LHFPL3: variants seen among roughly 807,000 people sequenced by gnomAD.
LHFPL3 encodes the protein LHFPL tetraspan subfamily member 3 protein.
Under a neutral mutation model 19.3 loss-of-function variants are expected in LHFPL3, and 5 were observed. That is an observed-to-expected ratio of 0.26 (90% CI 0.14 to 0.54). The LOEUF (loss-of-function observed/expected upper bound fraction) is 0.54. Ranked by LOEUF, LHFPL3 falls within the 20% of genes least tolerant of loss-of-function variation. The pLI is 0.94. For synonymous variants in LHFPL3, 133 were observed against 126.2 expected, an observed-to-expected ratio of 1.05 and a Z score of -0.36; for missense variants, 249 against 307.4, an observed-to-expected ratio of 0.81 and a Z score of 1.42.
intron 1 of LHFPL3, among the ~76,000 whole-genome samples, chr7:104,490,366 A>G (rs1295253242): frequency 1.3e-5 from 2 of 152,152 alleles, no homozygotes; most frequent in Non-Finnish European, 2.9e-5. Context: ...GTAAAGTACT[A>G]TCTCTTCCTA....
chr7:104,878,214 C>G (rs912988456), intron 2 of LHFPL3, among the ~76,000 whole-genome samples: 9 of 152,010 alleles, frequency 5.9e-5, no homozygotes, highest in Non-Finnish European at 1.3e-4. Context: ...AAATGTGGTA[C>G]AGGCACACCT....
intron 1 of LHFPL3, among the ~76,000 whole-genome samples, chr7:104,583,145 G>C (rs1377335765): frequency 1.3e-5 from 2 of 152,056 alleles, no homozygotes; most frequent in East Asian, 3.8e-4. Context: ...AGAGCCCTCA[G>C]AAATGATGTC....
intron 1 of LHFPL3, among the ~76,000 whole-genome samples, chr7:104,693,743 C>T (rs1482705767): frequency 6.6e-6 from 1 of 150,944 alleles, no homozygotes; most frequent in Non-Finnish European, 1.5e-5. Flanking sequence ...CACCCTCCTC[C>T]CAAGTAGCTG....
At chr7:104,710,918 A>G (rs1793289483) in intron 1 of LHFPL3, among the ~76,000 whole-genome samples, 1 of 152,180 alleles carries the variant, frequency 6.6e-6, no homozygotes, top group Non-Finnish European at 1.5e-5. Flanking sequence ...ACTCTCCAAT[A>G]CCTAAATGAT....
At chr7:104,435,654 A>G (rs1488139123) in intron 1 of LHFPL3, among the ~76,000 whole-genome samples, 4 of 151,880 alleles carry the variant, frequency 2.6e-5, no homozygotes, top group Admixed American at 2.0e-4. Flanking sequence ...TTAAAGCATA[A>G]AAGTGTCTTC....
At chr7:104,822,401 G>C (rs950065013) in intron 2 of LHFPL3, among the ~76,000 whole-genome samples, 5 of 152,160 alleles carry the variant, frequency 3.3e-5, no homozygotes, top group Admixed American at 6.5e-5. Flanking sequence ...AAATCTGATA[G>C]TTTTCCTTCT....
At chr7:104,389,224 C>G (rs1258094037) in intron 1 of LHFPL3, among the ~76,000 whole-genome samples, 1 of 152,090 alleles carries the variant, frequency 6.6e-6, no homozygotes, top group Non-Finnish European at 1.5e-5. Context: ...TTTCTGTACA[C>G]TAGTAATGAC....
intron 1 of LHFPL3, among the ~76,000 whole-genome samples, chr7:104,626,885 G>A (rs1261437731): frequency 6.6e-6 from 1 of 152,118 alleles, no homozygotes; most frequent in African/African-American, 2.4e-5. Context: ...AATACAAAAT[G>A]ATATAATACA....
At chr7:104,447,977 AT>A (rs1327151060) in intron 1 of LHFPL3, among the ~76,000 whole-genome samples, 2 of 151,992 alleles carry the variant, frequency 1.3e-5, no homozygotes, top group East Asian at 3.9e-4. Context: ...CTTTTTTTAA[AT>A]TTACTTTTTC....
intron 2 of LHFPL3, among the ~76,000 whole-genome samples, chr7:104,853,893 A>G (rs1791454615): frequency 6.6e-6 from 1 of 152,168 alleles, no homozygotes; most frequent in African/African-American, 2.4e-5. Context: ...CCAATTTCTG[A>G]CTGTAGGTAA....
intron 1 of LHFPL3, among the ~76,000 whole-genome samples, chr7:104,537,220 A>C (rs1794405567): frequency 6.6e-6 from 1 of 152,144 alleles, no homozygotes; most frequent in Admixed American, 6.6e-5. Flanking sequence ...TGCTAATCTA[A>C]AAAGAGACTT....
intron 1 of LHFPL3, among the ~76,000 whole-genome samples, chr7:104,400,152 C>G (rs570843245): frequency 3.1e-5 from 3 of 96,838 alleles, no homozygotes; most frequent in East Asian, 3.4e-4. Flanking sequence ...AAAAAAGACT[C>G]TACAGGAGAG....
At chr7:104,361,989 G>A (rs1790397112) in intron 1 of LHFPL3, among the ~76,000 whole-genome samples, 1 of 152,246 alleles carries the variant, frequency 6.6e-6, no homozygotes. Context: ...GACCAACACT[G>A]AGGTTCTCCA....
At chr7:104,857,019 G>C (rs534313519) in intron 2 of LHFPL3, among the ~76,000 whole-genome samples, 1 of 152,326 alleles carries the variant, frequency 6.6e-6, no homozygotes, top group African/African-American at 2.4e-5. Flanking sequence ...GCATTTTTGT[G>C]ATTGTGCTGT....
chr7:104,550,158 C>T (rs190523711), intron 1 of LHFPL3, among the ~76,000 whole-genome samples: 60 of 152,002 alleles, frequency 3.9e-4, no homozygotes, highest in African/African-American at 1.3e-3. Context: ...TCTACTAAGG[C>T]TTCCAAAAAA....
At chr7:104,602,644 A>T (rs969247261) in intron 1 of LHFPL3, among the ~76,000 whole-genome samples, 1 of 152,270 alleles carries the variant, frequency 6.6e-6, no homozygotes, top group Non-Finnish European at 1.5e-5. Context: ...TTATGTCAGT[A>T]GAAGAGTTTC....
chr7:104,498,010 CT>C (rs1248043001), intron 1 of LHFPL3, among the ~76,000 whole-genome samples: 1 of 152,068 alleles, frequency 6.6e-6, no homozygotes, highest in African/African-American at 2.4e-5. Flanking sequence ...GGTGGGAACC[CT>C]AGGTGTGGGG....
chr7:104,763,082 C>T (rs1427836212), intron 2 of LHFPL3, among the ~76,000 whole-genome samples: 2 of 152,130 alleles, frequency 1.3e-5, no homozygotes, highest in Non-Finnish European at 2.9e-5. Flanking sequence ...GTGATGATGC[C>T]AAAAATAGTC....
At chr7:104,553,961 C>T (rs1002970256) in intron 1 of LHFPL3, among the ~76,000 whole-genome samples, 4 of 152,142 alleles carry the variant, frequency 2.6e-5, no homozygotes, top group East Asian at 1.9e-4. Flanking sequence ...TCTCAGTGAT[C>T]GCTCATGATG....
Sources: allele counts gnomAD v4.1 joint callset (sites outside exome capture counted in the v4.1 genomes callset), GRCh38; gene constraint gnomAD v4.1.1; transcripts MANE v1.5; gene names NCBI Gene and HGNC (gene_info 2026-07-23, HGNC 2026-07-21).